Variants in UGT2B28 observed in about 807,000 individuals in gnomAD.
UGT2B28 encodes UDP-glucuronosyltransferase 2B28.
In UGT2B28, 45 loss-of-function variants were observed where a neutral mutation model predicts 43.6. The ratio of observed to expected loss-of-function variants is 1.03; its 90% CI spans 0.81 to 1.32. UGT2B28 has a LOEUF of 1.32. UGT2B28 is among the 40% of genes most tolerant of loss of function. The probability of loss-of-function intolerance (pLI) is 0.00; values close to 1 mark genes in which losing one functional copy is unlikely to be tolerated. For missense variants in UGT2B28, 649 were observed against 625.5 expected (o/e 1.04, Z -0.40); for synonymous variants, 204 against 208.1 (o/e 0.98, Z 0.17).
chr4:69,286,883 G>T lies in UGT2B28; in HGVS notation c.1002G>T (p.Lys334Asn), dbSNP rs762494511. ...IATALAKIPQKVLWRFDGNKP... is the reference protein window; with the variant it reads ...IATALAKIPQNVLWRFDGNKP... ...CAGCCCTTGCCAAGATCCCACAAAA[G>T]GTAAGATAAAGTGCCTTACTGGTGT... is the stretch of plus-strand genomic sequence containing the variant. Residue 334 changes from lysine to asparagine, a missense_variant and splice_region_variant, in exon 3 of 6, where the codon AAG (lysine) becomes AAT (asparagine). Coordinates refer to ENST00000335568, the MANE Select transcript of UGT2B28 (RefSeq NM_053039.2). The T allele has an allele frequency of 4.5e-6, 7 of 1,551,908 alleles. 1 individual carries two copies. In the Admixed American group the frequency reaches 9.0e-5, roughly 20 times the overall value.
intron 1 of UGT2B28, among the ~76,000 whole-genome samples, chr4:69,281,557 G>A (rs1235788957): frequency 7.1e-6 from 1 of 140,604 alleles, no homozygotes; most frequent in African/African-American, 2.8e-5. Flanking sequence ...ACATCTTACT[G>A]AATGCATAGA....
rs1327072109 is a variant in UGT2B28 at position 69,289,498 on chromosome 4, A to T, written c.1003-167A>T. On this transcript the variant is annotated intron_variant, in intron 3 of 5. Transcript: ENST00000335568. ...TAATGGTTTCTTATATATCTAAATC[A>T]TTATAAAAGTTAAGAAAATAAAATG... 4.9e-5 allele frequency among the ~76,000 whole-genome samples: 7 copies of T among 141,460 alleles called. 2 individuals carry two copies. The highest frequency in any genetic ancestry group is 1.9e-4 in the African/African-American group (7 of 36,366). The allele number at this position is 141,460 out of a possible 152,430, so 92.8% of individuals were successfully genotyped here. A position where few individuals can be genotyped will look rare whatever the true frequency, so the allele number is the denominator to read the frequency against.
At chr4:69,284,813 T>A (rs1287690330) in intron 2 of UGT2B28, among the ~76,000 whole-genome samples, 3 of 140,546 alleles carry the variant, frequency 2.1e-5, no homozygotes, top group African/African-American at 8.3e-5. Context: ...ATATATTACA[T>A]TCTCAGATAA....
At chr4:69,286,692 T>C in intron 2 of UGT2B28, 60 bp from the exon 3 acceptor site, 2 of 1,511,680 alleles carry the variant, frequency 1.3e-6, no homozygotes, top group Non-Finnish European at 1.8e-6. Flanking sequence ...TTGGTACCAA[T>C]TCTTTAGTAG....
At chr4:69,294,123 G>A (rs1309573834) in intron 5 of UGT2B28, among the ~76,000 whole-genome samples, 1 of 139,584 alleles carries the variant, frequency 7.2e-6, no homozygotes, top group Non-Finnish European at 1.5e-5. Context: ...ATAATACAAA[G>A]GATAAATGCT....
rs1435278169 is a variant in UGT2B28, at chr4:69,280,621, A to G, written c.121A>G (p.Thr41Ala). Residue 41 changes from threonine (T) to alanine (A), a missense_variant, in exon 1 of 6, where the codon ACA becomes GCA. Coordinates refer to ENST00000335568, the MANE Select transcript of UGT2B28 (RefSeq NM_053039.2). The stretch of plus-strand genomic sequence containing the variant: ...ATACAGCCATTGGATGAATATGAAG[A>G]CAATCCTGAAAGAGCTTGTTCAGAG... The part of the protein sequence containing the change: ...GEYSHWMNMK[T>A]ILKELVQRGH... 6.4e-7 allele frequency: 1 copy of G among 1,561,104 alleles called. No homozygotes were observed. Among genetic ancestry groups the G allele is most frequent in the Admixed American group, 1.8e-5 (1 of 56,580 alleles).
Position 69,290,826 on chromosome 4 carries a change from A to T in UGT2B28, c.1310+15A>T. 6.4e-7 allele frequency: 1 copy of T among 1,551,002 alleles called. No individual in the cohort carries two copies. Among genetic ancestry groups the T allele is most frequent in the Non-Finnish European group, 8.7e-7 (1 of 1,150,020 alleles). ...AATGATCCTTCGTGAGTAGAACAGTATTTTTCACTAGGTGGTATTTGTAGA... is the reference window on the plus strand; with the variant it reads ...AATGATCCTTCGTGAGTAGAACAGTTTTTTTCACTAGGTGGTATTTGTAGA... On this transcript the variant is annotated intron_variant, in intron 5 of 5. Coordinates refer to ENST00000335568, the MANE Select transcript of UGT2B28 (RefSeq NM_053039.2).
In UGT2B28 at chr4:69,286,775, C is replaced by T. The variant is rs534070906; in HGVS notation, c.894C>T (p.Ser298=). Residue 298 remains serine (S), a synonymous_variant, in exon 3 of 6, where the codon AGC becomes AGT. Coordinates refer to ENST00000335568, the MANE Select transcript of UGT2B28 (RefSeq NM_053039.2). ...AGGAAATGGAGGAATTTGTACAGAGCTCTGGTGAAAATGGTGTTGTGGTGT... is the reference window on the plus strand; with the variant it reads ...AGGAAATGGAGGAATTTGTACAGAGTTCTGGTGAAAATGGTGTTGTGGTGT... ...LPKEMEEFVQ[S]SGENGVVVFS... is the part of the protein sequence containing the mutation. The T allele has an allele frequency of 1.9e-5, 30 of 1,554,990 alleles. 2 individuals are homozygous for T. Among genetic ancestry groups the T allele is most frequent in the Non-Finnish European group, 2.4e-5 (28 of 1,154,132 alleles).
Position 69,289,769 on chromosome 4 carries a change from C to T in UGT2B28, c.1090+17C>T. The T allele has an allele frequency of 6.6e-7, 1 of 1,517,436 alleles. No individual in the cohort carries two copies. The highest frequency in any genetic ancestry group is 8.9e-7 in the Non-Finnish European group (1 of 1,125,800). The allele number at this position is 1,517,436 out of a possible 1,614,324, so 94.0% of individuals were successfully genotyped here. A position where few individuals can be genotyped will look rare whatever the true frequency, so the allele number is the denominator to read the frequency against. On this transcript the variant is annotated intron_variant, in intron 4 of 5. Coordinates refer to ENST00000335568, the MANE Select transcript of UGT2B28 (RefSeq NM_053039.2). ...ACCTTCTAGGTAACACTCTGGTGAA[C>T]AAATACTGGATATATTAGTAACTGC...
intron 2 of UGT2B28, among the ~76,000 whole-genome samples, chr4:69,284,018 A>G (rs1421200363): frequency 2.8e-5 from 4 of 140,872 alleles, no homozygotes; most frequent in African/African-American, 1.1e-4. Context: ...TGACTTTAAT[A>G]AAGTATTTAA....
Position 69,291,612 on chromosome 4 carries a change from G to T in UGT2B28, c.1310+801G>T, listed in dbSNP as rs1388342753. Among the ~76,000 whole-genome samples the T allele has an allele frequency of 3.6e-5, 5 of 140,418 alleles. 1 individual carries two copies. The highest frequency in any genetic ancestry group is 6.1e-5 in the Non-Finnish European group (4 of 65,624). 92.1% of individuals were successfully genotyped at this position (140,418 alleles called of 152,430 possible). A position where few individuals can be genotyped will look rare whatever the true frequency, so the allele number is the denominator to read the frequency against. On this transcript the variant is annotated intron_variant, in intron 5 of 5. Transcript: ENST00000335568. ...CACTTGTGTAATATTTTATAGTATG[G>T]ATATGTCATAATTTAGTTGTTCATT...
chr4:69,288,889 A>T (rs1016268352), intron 3 of UGT2B28, among the ~76,000 whole-genome samples: 1 of 140,372 alleles, frequency 7.1e-6, no homozygotes, highest in African/African-American at 2.8e-5. Flanking sequence ...AATGGCCTCC[A>T]GCTCCATCCT....
At position 69,281,505 on chromosome 4, in the gene UGT2B28, T is replaced by C. The variant is rs534150426; in HGVS notation, c.721+284T>C. 5.0e-4 allele frequency among the ~76,000 whole-genome samples: 70 copies of C among 141,010 alleles called. 13 individuals carry two copies. The highest frequency in any genetic ancestry group is 4.1e-4 in the Non-Finnish European group (27 of 65,828). 92.5% of individuals were successfully genotyped at this position (141,010 alleles called of 152,430 possible). On this transcript the variant is annotated intron_variant, in intron 1 of 5. Coordinates refer to ENST00000335568, the MANE Select transcript of UGT2B28 (RefSeq NM_053039.2). Reference sequence around the variant, plus strand: ...AAGCAATTACACATCTGTTTTACTATATAATGTTTTAGATCTTAAAAACAG... The same window carrying C: ...AAGCAATTACACATCTGTTTTACTACATAATGTTTTAGATCTTAAAAACAG...
intron 5 of UGT2B28, among the ~76,000 whole-genome samples, chr4:69,293,909 A>G (rs528235051): frequency 7.1e-6 from 1 of 140,838 alleles, no homozygotes; most frequent in Non-Finnish European, 1.5e-5. Context: ...GGGAAACAGT[A>G]GGAAACAAAA....
rs1350937725 is a variant in UGT2B28 at position 69,292,201 on chromosome 4, T to C, written c.1310+1390T>C. Among the ~76,000 whole-genome samples, 4 of 140,362 alleles carry C rather than the reference T, an allele frequency of 2.8e-5. 1 individual carries two copies. The Admixed American group carries it at 2.9e-4, about 10-fold the overall frequency. 92.1% of individuals were successfully genotyped at this position (140,362 alleles called of 152,430 possible). The stretch of plus-strand genomic sequence containing the variant: ...GATGGTCTTTGAAGCACAAAAAATA[T>C]AATTTTAAGTTAAAGTTTTAATAAT... On this transcript the variant is annotated intron_variant, in intron 5 of 5. Transcript: ENST00000335568.
chr4:69,294,645 C>T lies in UGT2B28; in HGVS notation c.1426C>T (p.Leu476Phe). ...GATGTGCCACAAAGGAGCCAAACAC[C>T]TTCGAGTTGCAGCCCGTGACCTCAC... Reference protein sequence around the residue: ...FVMCHKGAKHLRVAARDLTWF... With the variant: ...FVMCHKGAKHFRVAARDLTWF... The change falls in exon 6 of 6, where the codon CTT (leucine) becomes TTT (phenylalanine). Residue 476 changes from leucine (L) to phenylalanine (F), a missense_variant. By Grantham distance (22) the Leu-to-Phe change is conservative. Coordinates refer to ENST00000335568, the MANE Select transcript of UGT2B28 (RefSeq NM_053039.2). The T allele has an allele frequency of 6.4e-7, 1 of 1,559,632 alleles. No homozygotes were observed. The highest frequency in any genetic ancestry group is 1.7e-4 in the Middle Eastern group (1 of 5,834).
chr4:69,282,040 CT>C (rs1723627737), intron 1 of UGT2B28, among the ~76,000 whole-genome samples: 1 of 139,722 alleles, frequency 7.2e-6, no homozygotes, highest in Non-Finnish European at 1.5e-5. Context: ...CTGCCATACT[CT>C]CAAAATAGTC....
Position 69,286,054 on chromosome 4 carries a change from G to T in UGT2B28, c.871-698G>T, listed in dbSNP as rs1723764760. Among the ~76,000 whole-genome samples the T allele has an allele frequency of 2.1e-5, 3 of 141,452 alleles. No homozygotes were observed. The East Asian group carries it at 6.1e-4, about 29-fold the overall frequency. 92.8% of individuals were successfully genotyped at this position (141,452 alleles called of 152,430 possible). On this transcript the variant is annotated intron_variant, in intron 2 of 5. Coordinates refer to ENST00000335568, the MANE Select transcript of UGT2B28 (RefSeq NM_053039.2). ...AACTATAAACTCTACAATTCTGTAT[G>T]ATAAATGAGACTCTCAAGACTGAGT...
At position 69,295,037 on chromosome 4, in the gene UGT2B28, A is replaced by AC; in HGVS notation, c.*228_*229insC. Reference sequence around the variant, plus strand: ...AAGAAAACACTAGGGAAAATAAAAAATAATATAAAGCCATATGAGCTCATA... The same window carrying AC: ...AAGAAAACACTAGGGAAAATAAAAAACTAATATAAAGCCATATGAGCTCATA... On this transcript the variant is annotated 3_prime_UTR_variant, in exon 6 of 6. Coordinates refer to ENST00000335568, the MANE Select transcript of UGT2B28 (RefSeq NM_053039.2). 2 of 442,776 alleles carry AC rather than the reference A, an allele frequency of 4.5e-6. No homozygotes were observed. The highest frequency in any genetic ancestry group is 1.1e-4 in the South Asian group (2 of 18,480). 27.4% of individuals were successfully genotyped at this position (442,776 alleles called of 1,614,324 possible).
Sources: gnomAD v4.1 joint callset for allele counts (sites outside exome capture counted in the v4.1 genomes callset) on GRCh38, gnomAD v4.1.1 for gene constraint, MANE v1.5 for transcripts, NCBI Gene and HGNC (gene_info 2026-07-23, HGNC 2026-07-21) for gene names.